NELL1: variants seen among roughly 807,000 people sequenced by gnomAD.
The protein encoded by NELL1 is protein kinase C-binding protein NELL1.
Under a neutral mutation model 107.4 loss-of-function variants are expected in NELL1, and 76 were observed. The ratio of observed to expected loss-of-function variants is 0.71; its 90% CI spans 0.59 to 0.86. The LOEUF (loss-of-function observed/expected upper bound fraction) is 0.86, where lower values mean the gene tolerates loss of function less well. NELL1 is among the 40% of genes least tolerant of loss of function. The pLI is 0.00. For synonymous variants in NELL1, 353 were observed against 341.2 expected (o/e 1.03, Z -0.38); for missense variants, 1,024 against 1,005.5 (o/e 1.02, Z -0.25).
intron 2 of NELL1, among the ~76,000 whole-genome samples, chr11:20,736,782 T>G (rs1344774730): frequency 6.8e-6 from 1 of 147,220 alleles, no homozygotes; most frequent in Non-Finnish European, 1.5e-5. Context: ...TGAGACAGAG[T>G]CTTGCTCTGT....
intron 14 of NELL1, among the ~76,000 whole-genome samples, chr11:21,315,936 T>C (rs1169268944): frequency 2.6e-5 from 4 of 151,890 alleles, no homozygotes. Flanking sequence ...GTTTTTTGGC[T>C]ATGGAGTGTT....
At chr11:21,035,569 C>G (rs1853071006) in intron 12 of NELL1, among the ~76,000 whole-genome samples, 1 of 151,660 alleles carries the variant, frequency 6.6e-6, no homozygotes, top group Admixed American at 6.6e-5. Context: ...CGAACGCAAG[C>G]TTGGTTCAAC....
At position 21,560,502 on chromosome 11, in the gene NELL1, G is replaced by C. The variant is rs1856823838; in HGVS notation, c.1980+120G>C. 14 of 841,744 alleles carry C rather than the reference G, an allele frequency of 1.7e-5. No individual in the cohort carries two copies. The South Asian group carries it at 2.6e-4, about 16-fold the overall frequency. The allele number at this position is 841,744 out of a possible 1,614,324, so 52.1% of individuals were successfully genotyped here. A position where few individuals can be genotyped will look rare whatever the true frequency, so the allele number is the denominator to read the frequency against. On this transcript the variant is annotated intron_variant, in intron 17 of 19. Transcript: ENST00000357134. The stretch of plus-strand genomic sequence containing the variant: ...TGTAGTTCCTGAACAGGCTTCTCCT[G>C]TTCTTATCTACATTACAGCTAATGA...
Position 20,947,449 on chromosome 11 carries a change from G to A in NELL1, c.1171+14G>A, listed in dbSNP as rs375057595. On this transcript the variant is annotated intron_variant, in intron 11 of 19. Coordinates refer to ENST00000357134, the MANE Select transcript of NELL1 (RefSeq NM_006157.5). The stretch of plus-strand genomic sequence containing the variant: ...GTGTCTGTAGAGGTAAGTGGGCTTG[G>A]TGGTGGGCCATGCGTGGGGTGAGGC... 3.1e-6 allele frequency: 5 copies of A among 1,602,760 alleles called. No homozygotes were observed. The highest frequency in any genetic ancestry group is 1.3e-5 in the African/African-American group (1 of 74,658).
At chr11:21,053,556 T>G (rs1853546708) in intron 12 of NELL1, among the ~76,000 whole-genome samples, 1 of 152,152 alleles carries the variant, frequency 6.6e-6, no homozygotes, top group Non-Finnish European at 1.5e-5. Flanking sequence ...CACAGAGGGA[T>G]GCACTCAGTA....
chr11:20,963,970 A>T (rs1851340714), intron 12 of NELL1, among the ~76,000 whole-genome samples: 1 of 152,122 alleles, frequency 6.6e-6, no homozygotes, highest in Non-Finnish European at 1.5e-5. Flanking sequence ...CTCTGTAGAG[A>T]TTGTCGTAGA....
At chr11:20,957,105 A>C (rs1365751388) in intron 11 of NELL1, among the ~76,000 whole-genome samples, 1 of 152,188 alleles carries the variant, frequency 6.6e-6, no homozygotes, top group Non-Finnish European at 1.5e-5. Context: ...GGTGGTTTAA[A>C]ATATGGCTTC....
intron 14 of NELL1, among the ~76,000 whole-genome samples, chr11:21,244,180 G>GA (rs1858433280): frequency 6.6e-6 from 1 of 152,156 alleles, no homozygotes; most frequent in South Asian, 2.1e-4. Flanking sequence ...GAGAGTAGGA[G>GA]AAAAAAGAAC....
intron 12 of NELL1, among the ~76,000 whole-genome samples, chr11:20,976,147 G>GTA (rs144856344): frequency 0.096 from 10,258 of 106,872 alleles, 552 homozygotes; most frequent in Middle Eastern, 0.17. Flanking sequence ...GTACACACAT[G>GTA]TATATATATA....
intron 15 of NELL1, among the ~76,000 whole-genome samples, chr11:21,487,007 T>G (rs1854650540): frequency 6.6e-6 from 1 of 152,062 alleles, no homozygotes; most frequent in African/African-American, 2.4e-5. Context: ...ATTATCAATG[T>G]CTCCATGGAC....
At chr11:20,918,796 A>G (rs1850314719) in intron 6 of NELL1, among the ~76,000 whole-genome samples, 1 of 152,072 alleles carries the variant, frequency 6.6e-6, no homozygotes, top group South Asian at 2.1e-4. Flanking sequence ...GGATGCAGCC[A>G]ACCCATATCA....
chr11:20,980,176 G>T, intron 12 of NELL1, among the ~76,000 whole-genome samples: 1 of 152,112 alleles, frequency 6.6e-6, no homozygotes, highest in East Asian at 1.9e-4. Flanking sequence ...CAGATACTGT[G>T]CTAGGTACTA....
chr11:20,897,524 A>G lies in NELL1; in HGVS notation c.603+11984A>G, dbSNP rs1453863437. Among the ~76,000 whole-genome samples the G allele has an allele frequency of 2.0e-5, 3 of 152,242 alleles. No individual in the cohort carries two copies. The East Asian group carries it at 5.8e-4, about 29-fold the overall frequency. Reference sequence around the variant, plus strand: ...AGGCATGGGCAAGGACTTCATGTCTAAAACACCAAAAGCAATGGCAACAAA... The same window carrying G: ...AGGCATGGGCAAGGACTTCATGTCTGAAACACCAAAAGCAATGGCAACAAA... On this transcript the variant is annotated intron_variant, in intron 5 of 19. Coordinates refer to ENST00000357134, the MANE Select transcript of NELL1 (RefSeq NM_006157.5).
chr11:21,308,587 G>C (rs1176711272), intron 14 of NELL1, among the ~76,000 whole-genome samples: 1 of 151,952 alleles, frequency 6.6e-6, no homozygotes, highest in Non-Finnish European at 1.5e-5. Flanking sequence ...CTGTTCTAGG[G>C]AGAAAGATGT....
intron 13 of NELL1, among the ~76,000 whole-genome samples, chr11:21,210,661 C>A (rs913821114): frequency 1.7e-4 from 26 of 152,124 alleles, no homozygotes; most frequent in Non-Finnish European, 4.4e-5. Context: ...CAAATGTTTT[C>A]TCTTACTGTG....
chr11:21,534,441 G>A lies in NELL1; in HGVS notation c.1713G>A (p.Gly571=). 6.2e-7 allele frequency: 1 copy of A among 1,613,894 alleles called. No homozygotes were observed. Among genetic ancestry groups the A allele is most frequent in the Non-Finnish European group, 8.5e-7 (1 of 1,179,852 alleles). The change falls in exon 16 of 20, where the codon GGG becomes GGA. Residue 571 remains glycine, a synonymous_variant. Transcript: ENST00000357134. ...ATTCCCGCTGCGTTAACCTGCCAGGGTGGTACCACTGTGAGTGCAGAAGCG... is the reference window on the plus strand; with the variant it reads ...ATTCCCGCTGCGTTAACCTGCCAGGATGGTACCACTGTGAGTGCAGAAGCG... ...HNHSRCVNLP[G]WYHCECRSGF... is the part of the protein sequence containing the mutation.
intron 13 of NELL1, among the ~76,000 whole-genome samples, chr11:21,228,900 C>T (rs1167682616): frequency 1.3e-5 from 2 of 151,632 alleles, no homozygotes. Context: ...GCATTCCTGG[C>T]CTTTATTCCC....
intron 15 of NELL1, among the ~76,000 whole-genome samples, chr11:21,405,232 C>T (rs1852207154): frequency 6.6e-6 from 1 of 151,916 alleles, no homozygotes; most frequent in Admixed American, 6.6e-5. Flanking sequence ...ATTCTTTCCT[C>T]TTAGCTTTGA....
At chr11:21,002,138 C>G (rs763893082) in intron 12 of NELL1, among the ~76,000 whole-genome samples, 1 of 152,124 alleles carries the variant, frequency 6.6e-6, no homozygotes, top group Non-Finnish European at 1.5e-5. Context: ...AGCAGTGTAC[C>G]TCTATGGGTA....
Sources: allele counts gnomAD v4.1 joint callset (sites outside exome capture counted in the v4.1 genomes callset), GRCh38; gene constraint gnomAD v4.1.1; transcripts MANE v1.5; gene names NCBI Gene and HGNC (gene_info 2026-07-23, HGNC 2026-07-21).